PPARA: variants seen among roughly 807,000 people sequenced by gnomAD.
PPARA encodes the protein peroxisome proliferator-activated receptor alpha.
In PPARA, 22 loss-of-function variants were observed where a neutral mutation model predicts 42.2. That is an observed-to-expected ratio of 0.52 (90% CI 0.37 to 0.74). The LOEUF (loss-of-function observed/expected upper bound fraction) is 0.74. Among genes scored for constraint, PPARA ranks in the 30% least tolerant of loss-of-function variants. The pLI, the probability that PPARA is intolerant of heterozygous loss-of-function variation, is 0.00. For synonymous variants in PPARA, 242 were observed against 239.3 expected (o/e 1.01, Z -0.10); for missense variants, 465 against 608.2 (o/e 0.76, Z 2.48).
rs1203840295 is a variant in PPARA at position 46,167,825 on chromosome 22, T to C, written c.-126-8928T>C. On this transcript the variant is annotated intron_variant, in intron 2 of 8. Coordinates refer to ENST00000407236, the MANE Select transcript of PPARA (RefSeq NM_005036.6). This position sits in a 1 kb window ranked among gnomAD's most constrained non-coding sequence, Gnocchi z 4.1. ...TGGGGGACCGAGGTGAGAGGATAGCTTGAGGCCAGGAGTCCGAGAGCAGCC... is the reference window on the plus strand; with the variant it reads ...TGGGGGACCGAGGTGAGAGGATAGCCTGAGGCCAGGAGTCCGAGAGCAGCC... Among the ~76,000 whole-genome samples the C allele has an allele frequency of 9.2e-5, 14 of 151,998 alleles. No homozygotes were observed. The highest frequency in any genetic ancestry group is 9.2e-4 in the Admixed American group (14 of 15,236).
chr22:46,163,624 C>G lies in PPARA; in HGVS notation c.-127+11654C>G, dbSNP rs893009123. 2.6e-5 allele frequency: 4 copies of G among 152,252 alleles called. No homozygotes were observed. The highest frequency in any genetic ancestry group is 5.9e-5 in the Non-Finnish European group (4 of 68,074). 9.4% of individuals were successfully genotyped at this position (152,252 alleles called of 1,614,324 possible). A position where few individuals can be genotyped will look rare whatever the true frequency, so the allele number is the denominator to read the frequency against. On this transcript the variant is annotated intron_variant, in intron 2 of 8. Coordinates refer to ENST00000407236, the MANE Select transcript of PPARA (RefSeq NM_005036.6). The surrounding 1 kb of genome is among the most constrained non-coding windows in gnomAD (Gnocchi z 4.9). ...CAGGCCTTTCTCGAAGCCCCTTTCC[C>G]AGGACGACGTGACATGAGTGGTCTG...
At chr22:46,199,860 T>C (rs1336887297) in intron 4 of PPARA, among the ~76,000 whole-genome samples, 1 of 152,076 alleles carries the variant, frequency 6.6e-6, no homozygotes, top group East Asian at 1.9e-4. Context: ...GTAGCTAGGA[T>C]TACAGGCACC....
Position 46,196,119 on chromosome 22 carries a change from G to A in PPARA, c.-42-2223G>A, listed in dbSNP as rs1223958674. Among the ~76,000 whole-genome samples the A allele has an allele frequency of 2.0e-5, 3 of 152,066 alleles. No homozygotes were observed. Among genetic ancestry groups the A allele is most frequent in the Non-Finnish European group, 4.4e-5 (3 of 68,008 alleles). Reference sequence around the variant, plus strand: ...CAAATGTGGAAGGGCTGGGAACAGTGTGTTCAGGAGACTGGGCTTCAATCT... The same window carrying A: ...CAAATGTGGAAGGGCTGGGAACAGTATGTTCAGGAGACTGGGCTTCAATCT... On this transcript the variant is annotated intron_variant, in intron 3 of 8. Coordinates refer to ENST00000407236, the MANE Select transcript of PPARA (RefSeq NM_005036.6). This position sits in a 1 kb window ranked among gnomAD's most constrained non-coding sequence, Gnocchi z 5.6.
chr22:46,207,677 A>ATTTTTTTTTTTTTT (rs764662561), intron 4 of PPARA, among the ~76,000 whole-genome samples: 2 of 50,724 alleles, frequency 3.9e-5, no homozygotes, highest in African/African-American at 8.4e-5. Flanking sequence ...TATTATTATT[A>ATTTTTTTTTTTTTT]TTTTTTTTTT....
In PPARA at chr22:46,234,344, C is replaced by T. The variant is rs561533917; in HGVS notation, c.1160-789C>T. On this transcript the variant is annotated intron_variant, in intron 8 of 8. Coordinates refer to ENST00000407236, the MANE Select transcript of PPARA (RefSeq NM_005036.6). This position sits in a 1 kb window ranked among gnomAD's most constrained non-coding sequence, Gnocchi z 5.8. Reference sequence around the variant, plus strand: ...TGTTTAAATCCTCATCACTAGCAACCCTGTTAAGAATCATAGTAATGACTG... The same window carrying T: ...TGTTTAAATCCTCATCACTAGCAACTCTGTTAAGAATCATAGTAATGACTG... Among the ~76,000 whole-genome samples, 1 of 152,216 alleles carries T rather than the reference C, an allele frequency of 6.6e-6. No homozygotes were observed. The highest frequency in any genetic ancestry group is 1.9e-4 in the East Asian group (1 of 5,182).
Position 46,165,418 on chromosome 22 carries a change from G to A in PPARA, c.-126-11335G>A, listed in dbSNP as rs1926893228. On this transcript the variant is annotated intron_variant, in intron 2 of 8. Transcript: ENST00000407236. This position sits in a 1 kb window ranked among gnomAD's most constrained non-coding sequence, Gnocchi z 5.5. ...GACAGAATCTTTAAACATATGTGGA[G>A]GAATTGGAGAGTTTACAAGATAGTG... 6.6e-6 allele frequency: 1 copy of A among 152,220 alleles called. No homozygotes were observed. The highest frequency in any genetic ancestry group is 2.4e-5 in the African/African-American group (1 of 41,462). The allele number at this position is 152,220 out of a possible 1,614,324, so 9.4% of individuals were successfully genotyped here. A position where few individuals can be genotyped will look rare whatever the true frequency, so the allele number is the denominator to read the frequency against.
rs1323999477 is a variant in PPARA at position 46,233,718 on chromosome 22, C to A, written c.1160-1415C>A. Among the ~76,000 whole-genome samples the A allele has an allele frequency of 6.6e-6, 1 of 152,126 alleles. No homozygotes were observed. On this transcript the variant is annotated intron_variant, in intron 8 of 8. Coordinates refer to ENST00000407236, the MANE Select transcript of PPARA (RefSeq NM_005036.6). The surrounding 1 kb of genome is among the most constrained non-coding windows in gnomAD (Gnocchi z 7.3). Reference sequence around the variant, plus strand: ...CAGTTTTATAAAGGAAATTATAATCCTATATCAATCCTATGTATATAGAAA... The same window carrying A: ...CAGTTTTATAAAGGAAATTATAATCATATATCAATCCTATGTATATAGAAA...
At chr22:46,154,247 G>C (rs928004824) in intron 2 of PPARA, among the ~76,000 whole-genome samples, 1 of 152,150 alleles carries the variant, frequency 6.6e-6, no homozygotes, top group Non-Finnish European at 1.5e-5. Flanking sequence ...TTTTTGCCGG[G>C]ACATCTTACT....
At chr22:46,174,181 G>A (rs1488607859) in intron 2 of PPARA, among the ~76,000 whole-genome samples, 2 of 130,858 alleles carry the variant, frequency 1.5e-5, no homozygotes, top group Non-Finnish European at 3.2e-5. Context: ...TGTCTTGAAA[G>A]AAGGAAGAAA....
At position 46,173,942 on chromosome 22, in the gene PPARA, T is replaced by C. The variant is rs931017150; in HGVS notation, c.-126-2811T>C. Among the ~76,000 whole-genome samples the C allele has an allele frequency of 6.6e-6, 1 of 151,514 alleles. No individual in the cohort carries two copies. Among genetic ancestry groups the C allele is most frequent in the African/African-American group, 2.4e-5 (1 of 40,960 alleles). On this transcript the variant is annotated intron_variant, in intron 2 of 8. Transcript: ENST00000407236. This position sits in a 1 kb window ranked among gnomAD's most constrained non-coding sequence, Gnocchi z 4.3. ...ATTATGGGCTAGGTGCAGTGGCTCA[T>C]GCCTGTAATCCCAGCACTTTGGGAG...
chr22:46,157,441 C>T (rs1925483580), intron 2 of PPARA, among the ~76,000 whole-genome samples: 1 of 152,178 alleles, frequency 6.6e-6, no homozygotes, highest in East Asian at 1.9e-4. Context: ...AGAGAGAGCT[C>T]TTCTTCCTTC....
rs760212156 is a variant in PPARA at position 46,184,039 on chromosome 22, G to A, written c.-43+7203G>A. Among the ~76,000 whole-genome samples, 6 of 152,178 alleles carry A rather than the reference G, an allele frequency of 3.9e-5. No individual in the cohort carries two copies. The highest frequency in any genetic ancestry group is 7.3e-5 in the Non-Finnish European group (5 of 68,048). ...CTCATGGGGTTGCTGTTACCAGGAAGTGAGTTAATGCACATTAGGTTCTTA... is the reference window on the plus strand; with the variant it reads ...CTCATGGGGTTGCTGTTACCAGGAAATGAGTTAATGCACATTAGGTTCTTA... On this transcript the variant is annotated intron_variant, in intron 3 of 8. Transcript: ENST00000407236. The surrounding 1 kb of genome is among the most constrained non-coding windows in gnomAD (Gnocchi z 4.4).
Position 46,232,588 on chromosome 22 carries a change from G to C in PPARA, c.1159+349G>C, listed in dbSNP as rs1162910302. 6.6e-6 allele frequency among the ~76,000 whole-genome samples: 1 copy of C among 151,588 alleles called. No individual in the cohort carries two copies. Among genetic ancestry groups the C allele is most frequent in the Non-Finnish European group, 1.5e-5 (1 of 67,944 alleles). ...AGGATCTCTTGAGCCCAGGAGTTCA[G>C]GTTGCAATGAGTTATGAATGCACCA... On this transcript the variant is annotated intron_variant, in intron 8 of 8. Transcript: ENST00000407236. The surrounding 1 kb of genome is among the most constrained non-coding windows in gnomAD (Gnocchi z 5.3).
At position 46,240,317 on chromosome 22, in the gene PPARA, G is replaced by A. The variant is rs543141398; in HGVS notation, c.*4937G>A. 3.5e-5 allele frequency: 14 copies of A among 398,536 alleles called. No homozygotes were observed. The highest frequency in any genetic ancestry group is 2.7e-4 in the African/African-American group (13 of 48,752). 24.7% of individuals were successfully genotyped at this position (398,536 alleles called of 1,614,324 possible). A position where few individuals can be genotyped will look rare whatever the true frequency, so the allele number is the denominator to read the frequency against. ...CCTCCAGATGTAGGGCCTGCTGGGT[G>A]TTGCTAGCCGCTGGTCCCCAGGCAC... On this transcript the variant is annotated 3_prime_UTR_variant, in exon 9 of 9. Transcript: ENST00000407236. This position sits in a 1 kb window ranked among gnomAD's most constrained non-coding sequence, Gnocchi z 6.0.
rs868288570 is a variant in PPARA, at chr22:46,170,104, T to C, written c.-126-6649T>C. 5.0e-4 allele frequency among the ~76,000 whole-genome samples: 76 copies of C among 150,996 alleles called. 4 individuals carry two copies. The highest frequency in any genetic ancestry group is 3.4e-3 in the Middle Eastern group (1 of 292). ...GCATTCTTGTCACTTTAAGTTGCAT[T>C]CATCTTTGTTTTTTTTTTTTAGAAA... On this transcript the variant is annotated intron_variant, in intron 2 of 8. Transcript: ENST00000407236.
chr22:46,220,101 G>T, intron 7 of PPARA, 87 bp downstream of exon 7: 2 of 1,435,600 alleles, frequency 1.4e-6, no homozygotes, highest in South Asian at 1.2e-5. Flanking sequence ...GTTGAATGTT[G>T]AGAAAATTAT....
At chr22:46,205,493 T>A (rs928622180) in intron 4 of PPARA, among the ~76,000 whole-genome samples, 3 of 131,568 alleles carry the variant, frequency 2.3e-5, no homozygotes, top group Admixed American at 8.5e-5. Flanking sequence ...GTGTTGGGAT[T>A]ACAGGCGTGA....
chr22:46,181,797 C>A (rs2147265783), intron 3 of PPARA, among the ~76,000 whole-genome samples: 1 of 152,272 alleles, frequency 6.6e-6, no homozygotes. Context: ...TGGTTACAGC[C>A]TTGTCTGGCA....
Position 46,240,135 on chromosome 22 carries a change from C to G in PPARA, c.*4755C>G, listed in dbSNP as rs1449842029. The G allele has an allele frequency of 2.3e-5, 9 of 398,636 alleles. No individual in the cohort carries two copies. The highest frequency in any genetic ancestry group is 4.0e-5 in the Non-Finnish European group (9 of 226,172). The allele number at this position is 398,636 out of a possible 1,614,324, so 24.7% of individuals were successfully genotyped here. On this transcript the variant is annotated 3_prime_UTR_variant, in exon 9 of 9. Transcript: ENST00000407236. The surrounding 1 kb of genome is among the most constrained non-coding windows in gnomAD (Gnocchi z 6.0). Reference sequence around the variant, plus strand: ...GCTGGTACCTCTTCAACAGTGTGGCCTTTCAAAATGCAGATGCCACCAGGA... The same window carrying G: ...GCTGGTACCTCTTCAACAGTGTGGCGTTTCAAAATGCAGATGCCACCAGGA...
Sources: allele counts gnomAD v4.1 joint callset (sites outside exome capture counted in the v4.1 genomes callset), GRCh38; gene constraint gnomAD v4.1.1; non-coding constraint Gnocchi (gnomAD v3.1); transcripts MANE v1.5; gene names NCBI Gene and HGNC (gene_info 2026-07-23, HGNC 2026-07-21).